The following CDH10 variants were observed in gnomAD, a reference collection of about 807,000 sequenced individuals.
CDH10 encodes cadherin-10.
A neutral mutation model predicts 73.1 loss-of-function variants in CDH10; 30 were observed. The observed-to-expected ratio is 0.41, with a 90% confidence interval of 0.31 to 0.56. CDH10 has a LOEUF of 0.56. Among genes scored for constraint, CDH10 ranks in the 20% least tolerant of loss-of-function variants. The pLI is 0.27. For missense variants in CDH10, 815 were observed against 973.7 expected, an observed-to-expected ratio of 0.84 and a Z score of 2.17; for synonymous variants, 345 against 348.2, an observed-to-expected ratio of 0.99 and a Z score of 0.10.
intron 1 of CDH10, among the ~76,000 whole-genome samples, chr5:24,600,728 G>T (rs1358452055): frequency 2.6e-5 from 4 of 152,138 alleles, no homozygotes; most frequent in Non-Finnish European, 1.5e-5. Context: ...GACATAATGG[G>T]TCATAGGTAT....
intron 8 of CDH10, among the ~76,000 whole-genome samples, chr5:24,501,183 C>T (rs1368858185): frequency 6.6e-6 from 1 of 152,054 alleles, no homozygotes; most frequent in Non-Finnish European, 1.5e-5. Context: ...TTGTTGGTAA[C>T]AATTCACTTT....
intron 1 of CDH10, among the ~76,000 whole-genome samples, chr5:24,609,159 T>C (rs948541422): frequency 6.6e-6 from 1 of 152,130 alleles, no homozygotes; most frequent in Non-Finnish European, 1.5e-5. Flanking sequence ...AGAATTCCCA[T>C]CCCACTGGGA....
chr5:24,640,646 T>A (rs1173217549), intron 1 of CDH10, among the ~76,000 whole-genome samples: 1 of 151,894 alleles, frequency 6.6e-6, no homozygotes. Flanking sequence ...GGCATTTTTA[T>A]ATGAAGGCAT....
chr5:24,563,890 ATCTT>A (rs1745065483), intron 2 of CDH10, among the ~76,000 whole-genome samples: 1 of 151,994 alleles, frequency 6.6e-6, no homozygotes, highest in African/African-American at 2.4e-5. Flanking sequence ...ATGGTTTTCT[ATCTT>A]CTCCAATGGG....
chr5:24,545,490 C>T (rs187268899), intron 2 of CDH10, among the ~76,000 whole-genome samples: 11 of 152,144 alleles, frequency 7.2e-5, no homozygotes, highest in South Asian at 4.1e-4. Flanking sequence ...GAATTTTAAA[C>T]GCAGGTGAGG....
Position 24,593,542 on chromosome 5 carries a change from T to TA in CDH10, c.-53dup. The stretch of plus-strand genomic sequence containing the variant: ...TAGATGAAGAGAAGTGGTCCTATTT[T>TA]ACCCAGTTGGTTTTACTGTGTTTCA... On this transcript the variant is annotated 5_prime_UTR_variant, in exon 2 of 12. Transcript: ENST00000264463. 9.6e-7 allele frequency: 1 copy of TA among 1,038,914 alleles called. No individual in the cohort carries two copies. Among genetic ancestry groups the TA allele is most frequent in the East Asian group, 2.4e-5 (1 of 41,332 alleles). 64.4% of individuals were successfully genotyped at this position (1,038,914 alleles called of 1,614,324 possible).
Position 24,487,947 on chromosome 5 carries a change from A to T in CDH10, c.2083T>A (p.Leu695Ile), listed in dbSNP as rs2111607060. 6.2e-7 allele frequency: 1 copy of T among 1,613,810 alleles called. No homozygotes were observed. The highest frequency in any genetic ancestry group is 8.5e-7 in the Non-Finnish European group (1 of 1,179,934). Residue 695 changes from leucine (L) to isoleucine (I), a missense_variant, in exon 12 of 12, where the codon TTA (leucine) becomes ATA (isoleucine). Transcript: ENST00000264463. ...GTAGGAGTCCTCCGAGGAATAAATAACGTTTCTGGAATAATATCTCGCCGG... is the reference window on the plus strand; with the variant it reads ...GTAGGAGTCCTCCGAGGAATAAATATCGTTTCTGGAATAATATCTCGCCGG... ...KLRRDIIPET[L>I]FIPRRTPTAP...
intron 2 of CDH10, among the ~76,000 whole-genome samples, chr5:24,588,262 A>G (rs574400532): frequency 6.6e-6 from 1 of 152,146 alleles, no homozygotes; most frequent in Non-Finnish European, 1.5e-5. Flanking sequence ...TTCATGTCCT[A>G]TTCATTATAT....
At chr5:24,538,785 G>A (rs981797521) in intron 2 of CDH10, among the ~76,000 whole-genome samples, 3 of 152,040 alleles carry the variant, frequency 2.0e-5, no homozygotes, top group African/African-American at 7.2e-5. Context: ...TGGACAGGCA[G>A]TTGCCAGATG....
chr5:24,530,611 T>C (rs763678964), intron 5 of CDH10, among the ~76,000 whole-genome samples: 3 of 151,992 alleles, frequency 2.0e-5, no homozygotes, highest in Non-Finnish European at 4.4e-5. Flanking sequence ...TATTGAATGT[T>C]TGGTTGGAGA....
At chr5:24,596,697 T>C (rs1746382899) in intron 1 of CDH10, among the ~76,000 whole-genome samples, 1 of 151,982 alleles carries the variant, frequency 6.6e-6, no homozygotes, top group African/African-American at 2.4e-5. Flanking sequence ...TAACTTCTTA[T>C]ATGTATAAAC....
At chr5:24,616,458 A>T (rs750201852) in intron 1 of CDH10, among the ~76,000 whole-genome samples, 2 of 152,208 alleles carry the variant, frequency 1.3e-5, no homozygotes, top group African/African-American at 4.8e-5. Flanking sequence ...ATGAAGGCAT[A>T]AAATATATAG....
At chr5:24,562,538 GA>G (rs901524404) in intron 2 of CDH10, among the ~76,000 whole-genome samples, 13 of 150,460 alleles carry the variant, frequency 8.6e-5, no homozygotes, top group East Asian at 3.9e-4. Flanking sequence ...ATACCCTACG[GA>G]AAAAAAAATC....
chr5:24,591,421 G>A (rs1746196598), intron 2 of CDH10, among the ~76,000 whole-genome samples: 1 of 151,854 alleles, frequency 6.6e-6, no homozygotes, highest in Non-Finnish European at 1.5e-5. Flanking sequence ...AGTCTACATG[G>A]AAAAGAACTG....
At chr5:24,511,096 C>A (rs566537747) in intron 6 of CDH10, among the ~76,000 whole-genome samples, 8 of 152,286 alleles carry the variant, frequency 5.3e-5, no homozygotes, top group African/African-American at 1.9e-4. Context: ...ATTAACTTGC[C>A]TTTTATATTT....
chr5:24,543,034 T>TA (rs1744216306), intron 2 of CDH10, among the ~76,000 whole-genome samples: 1 of 152,086 alleles, frequency 6.6e-6, no homozygotes, highest in Non-Finnish European at 1.5e-5. Context: ...AATGAAGAAA[T>TA]ATTACCAAAA....
rs371643590 is a variant in CDH10 at position 24,535,095 on chromosome 5, C to A, written c.814+17G>T. ...TAAATCTTTTGCCCGGCAGAATGAC[C>A]ATTAAAGGGTGCTTACTCTGGGGGA... On this transcript the variant is annotated intron_variant, in intron 5 of 11. Coordinates refer to ENST00000264463, the MANE Select transcript of CDH10 (RefSeq NM_006727.5). The A allele has an allele frequency of 5.1e-6, 8 of 1,572,792 alleles. No individual in the cohort carries two copies. Among genetic ancestry groups the A allele is most frequent in the Non-Finnish European group, 6.0e-6 (7 of 1,165,188 alleles).
At chr5:24,554,731 T>A (rs2111966851) in intron 2 of CDH10, among the ~76,000 whole-genome samples, 1 of 152,260 alleles carries the variant, frequency 6.6e-6, no homozygotes, top group African/African-American at 2.4e-5. Context: ...TCTGAGAATG[T>A]GTAAAAGATC....
chr5:24,607,657 G>A (rs1746805703), intron 1 of CDH10, among the ~76,000 whole-genome samples: 1 of 152,070 alleles, frequency 6.6e-6, no homozygotes, highest in Non-Finnish European at 1.5e-5. Context: ...AGTTTTTTAT[G>A]ACTTTTAAAA....
Sources: gnomAD v4.1 joint callset for allele counts (sites outside exome capture counted in the v4.1 genomes callset) on GRCh38, gnomAD v4.1.1 for gene constraint, MANE v1.5 for transcripts, NCBI Gene and HGNC (gene_info 2026-07-23, HGNC 2026-07-21) for gene names.